Variants in FNIP2 observed in about 807,000 individuals in gnomAD.
FNIP2 encodes the protein folliculin-interacting protein 2.
Under a neutral mutation model 108.7 loss-of-function variants are expected in FNIP2, and 32 were observed. The ratio of observed to expected loss-of-function variants is 0.29; its 90% CI spans 0.22 to 0.40. The LOEUF is 0.40. Among genes scored for constraint, FNIP2 ranks in the 10% least tolerant of loss-of-function variants. The probability of loss-of-function intolerance (pLI) is 1.00; values close to 1 mark genes in which losing one functional copy is unlikely to be tolerated. For missense variants in FNIP2, 1,202 were observed against 1,381.6 expected (o/e 0.87, Z 2.06); for synonymous variants, 480 against 496.7 (o/e 0.97, Z 0.45).
Position 158,810,667 on chromosome 4 carries a change from C to T in FNIP2, c.108-15249C>T, listed in dbSNP as rs116566584. ...AGGAGATTTTCATAGACGCTAACAA[C>T]TGACATCAGCTTTTGTCTCGGTCAT... On this transcript the variant is annotated intron_variant, in intron 1 of 16. Coordinates refer to ENST00000264433, the MANE Select transcript of FNIP2 (RefSeq NM_020840.3). Among the ~76,000 whole-genome samples the T allele has an allele frequency of 8.2e-3, 1,243 of 152,312 alleles. 18 individuals are homozygous for T. Among genetic ancestry groups the T allele is most frequent in the African/African-American group, 0.028 (1,176 of 41,558 alleles).
Position 158,891,664 on chromosome 4 carries a change from T to C in FNIP2, c.3150+18T>C. The C allele has an allele frequency of 1.3e-6, 2 of 1,584,032 alleles. No homozygotes were observed. Among genetic ancestry groups the C allele is most frequent in the Non-Finnish European group, 1.7e-6 (2 of 1,159,838 alleles). On this transcript the variant is annotated intron_variant, in intron 15 of 16. Transcript: ENST00000264433. ...CTGATTTTGTAAGTACTGGTTCTTATATCACCAAAGAAATCTAGTTTTAAA... is the reference window on the plus strand; with the variant it reads ...CTGATTTTGTAAGTACTGGTTCTTACATCACCAAAGAAATCTAGTTTTAAA...
chr4:158,870,750 A>AGTGAG (rs1160025893), intron 14 of FNIP2, among the ~76,000 whole-genome samples: 4 of 152,236 alleles, frequency 2.6e-5, no homozygotes, highest in African/African-American at 9.6e-5. Context: ...CTGCAGGAGC[A>AGTGAG]GTGAGGAGGG....
chr4:158,859,363 A>AATC (rs768037300), intron 9 of FNIP2, 105 bp downstream of exon 9: 54 of 1,273,478 alleles, frequency 4.2e-5, no homozygotes, highest in Non-Finnish European at 5.2e-5. Flanking sequence ...AAGGAAGTTA[A>AATC]ATCACCTGTA....
rs536757365 is a variant in FNIP2, at chr4:158,866,631, G to A, written c.1466-1471G>A. 3.3e-5 allele frequency among the ~76,000 whole-genome samples: 5 copies of A among 151,660 alleles called. No homozygotes were observed. The South Asian group carries it at 6.2e-4, about 19-fold the overall frequency. Reference sequence around the variant, plus strand: ...GCTCTTGTAGCCCAGGCTGGAGTGCGGTGGCGACACCTTGGCTCTCTGCAA... The same window carrying A: ...GCTCTTGTAGCCCAGGCTGGAGTGCAGTGGCGACACCTTGGCTCTCTGCAA... On this transcript the variant is annotated intron_variant, in intron 12 of 16. Coordinates refer to ENST00000264433, the MANE Select transcript of FNIP2 (RefSeq NM_020840.3).
intron 15 of FNIP2, among the ~76,000 whole-genome samples, chr4:158,894,026 A>C (rs923666017): frequency 1.3e-5 from 2 of 152,228 alleles, no homozygotes; most frequent in Non-Finnish European, 2.9e-5. Flanking sequence ...AGAACCTTCA[A>C]TACAAAAAGA....
intron 1 of FNIP2, among the ~76,000 whole-genome samples, chr4:158,815,622 C>T (rs748817660): frequency 6.6e-6 from 1 of 152,116 alleles, no homozygotes; most frequent in African/African-American, 2.4e-5. Context: ...CCTCGGCCTC[C>T]CAAAGTGCTG....
chr4:158,822,080 C>T (rs1327700646), intron 1 of FNIP2, among the ~76,000 whole-genome samples: 3 of 151,722 alleles, frequency 2.0e-5, no homozygotes, highest in African/African-American at 7.3e-5. Flanking sequence ...AGAGCAAAAA[C>T]CTGTCTCCAA....
At chr4:158,846,107 G>C (rs562984019) in intron 7 of FNIP2, among the ~76,000 whole-genome samples, 1 of 152,084 alleles carries the variant, frequency 6.6e-6, no homozygotes, top group Admixed American at 6.5e-5. Context: ...AACATTTATC[G>C]TGTGGGTGAC....
chr4:158,871,834 C>T, intron 14 of FNIP2: 3 of 985,376 alleles, frequency 3.0e-6, no homozygotes, highest in Non-Finnish European at 3.6e-6. Context: ...TCAATGACCC[C>T]TGTAAGAAAA....
intron 1 of FNIP2, among the ~76,000 whole-genome samples, chr4:158,794,251 C>T (rs1055003418): frequency 6.6e-6 from 1 of 152,038 alleles, no homozygotes; most frequent in Non-Finnish European, 1.5e-5. Flanking sequence ...CTCCTAGGCT[C>T]AAGCAATCCT....
intron 1 of FNIP2, among the ~76,000 whole-genome samples, chr4:158,780,599 G>A (rs1776009719): frequency 6.6e-6 from 1 of 152,122 alleles, no homozygotes; most frequent in Non-Finnish European, 1.5e-5. Flanking sequence ...GAAATTGAGT[G>A]GTTTACTAGT....
chr4:158,848,060 A>T (rs1244987562), intron 7 of FNIP2, among the ~76,000 whole-genome samples: 1 of 152,198 alleles, frequency 6.6e-6, no homozygotes, highest in Non-Finnish European at 1.5e-5. Context: ...ACCAGGGGGA[A>T]CTTGCCACCT....
At chr4:158,903,925 A>C (rs1486481167) in intron 16 of FNIP2, among the ~76,000 whole-genome samples, 3 of 152,194 alleles carry the variant, frequency 2.0e-5, no homozygotes, top group South Asian at 4.1e-4. Context: ...CTCTTAACCC[A>C]GTACCTTTTA....
chr4:158,773,689 T>G (rs1458779592), intron 1 of FNIP2, among the ~76,000 whole-genome samples: 2 of 152,108 alleles, frequency 1.3e-5, no homozygotes, highest in Non-Finnish European at 2.9e-5. Context: ...TAGATGAGAG[T>G]TGAGACAGTG....
At chr4:158,803,341 A>G (rs1385650684) in intron 1 of FNIP2, among the ~76,000 whole-genome samples, 1 of 152,168 alleles carries the variant, frequency 6.6e-6, no homozygotes, top group Non-Finnish European at 1.5e-5. Context: ...ATGAATAACA[A>G]TGTGAATACC....
chr4:158,870,247 C>T (rs1039211589), intron 13 of FNIP2, 66 bp from the exon 14 acceptor site: 51 of 1,545,872 alleles, frequency 3.3e-5, no homozygotes, highest in Non-Finnish European at 4.4e-5. Flanking sequence ...GTGCTTGTAC[C>T]AATTATAATG....
intron 1 of FNIP2, among the ~76,000 whole-genome samples, chr4:158,825,595 A>G (rs1260137954): frequency 6.6e-6 from 1 of 152,218 alleles, no homozygotes; most frequent in Non-Finnish European, 1.5e-5. Context: ...TCTTCTCTGC[A>G]TGTCCTTGTG....
At chr4:158,891,703 C>T in intron 15 of FNIP2, 57 bp downstream of exon 15, 1 of 1,436,256 alleles carries the variant, frequency 7.0e-7, no homozygotes, top group South Asian at 1.3e-5. Flanking sequence ...CTTTTAACGA[C>T]ATTTTGATTA....
chr4:158,773,214 CT>C (rs1775754005), intron 1 of FNIP2, among the ~76,000 whole-genome samples: 1 of 152,142 alleles, frequency 6.6e-6, no homozygotes, highest in Non-Finnish European at 1.5e-5. Context: ...AAAAGAAAGT[CT>C]TTCTGTAGAT....
Sources: allele counts gnomAD v4.1 joint callset (sites outside exome capture counted in the v4.1 genomes callset), GRCh38; gene constraint gnomAD v4.1.1; transcripts MANE v1.5; gene names NCBI Gene and HGNC (gene_info 2026-07-23, HGNC 2026-07-21).